The following PSPH variants were observed in gnomAD, a reference collection of about 807,000 sequenced individuals.
The protein encoded by PSPH is L-3-phosphoserine phosphatase.
Under a neutral mutation model 23.4 loss-of-function variants are expected in PSPH, and 16 were observed. The ratio of observed to expected loss-of-function variants is 0.68; its 90% CI spans 0.46 to 1.04. PSPH has a LOEUF of 1.04. Ranked by LOEUF, PSPH falls within the 50% of genes least tolerant of loss-of-function variation. PSPH has a pLI of 0.00. For synonymous variants in PSPH, 68 were observed against 99.7 expected (o/e 0.68, Z 1.89); for missense variants, 223 against 273.7 (o/e 0.81, Z 1.31).
intron 3 of PSPH, among the ~76,000 whole-genome samples, chr7:56,023,685 T>G (rs1789775578): frequency 6.6e-6 from 1 of 152,056 alleles, no homozygotes; most frequent in South Asian, 2.1e-4. Context: ...ATGTAAGTAA[T>G]CTATATTTAG....
rs1352002147 is a variant in PSPH, at chr7:56,034,119, G to T, written c.-291-13C>A. 6.6e-6 allele frequency: 1 copy of T among 152,524 alleles called. No homozygotes were observed. The highest frequency in any genetic ancestry group is 1.9e-4 in the East Asian group (1 of 5,188). 9.4% of individuals were successfully genotyped at this position (152,524 alleles called of 1,614,324 possible). A position where few individuals can be genotyped will look rare whatever the true frequency, so the allele number is the denominator to read the frequency against. ...CTCTTGAGATCTGCTGATAAGCGGG[G>T]TGGCTTCTGATGAGTTCTGCAAGTG... On this transcript the variant is annotated splice_polypyrimidine_tract_variant and intron_variant, in intron 1 of 7. Coordinates refer to ENST00000275605, the MANE Select transcript of PSPH (RefSeq NM_004577.4).
At position 56,013,156 on chromosome 7, in the gene PSPH, TACACACAC is replaced by T. The variant is rs34329610; in HGVS notation, c.571-1295_571-1288del. Among the ~76,000 whole-genome samples, 221 of 142,122 alleles carry T rather than the reference TACACACAC, an allele frequency of 1.6e-3. 1 individual carries two copies. The highest frequency in any genetic ancestry group is 5.6e-3 in the South Asian group (24 of 4,292). The allele number at this position is 142,122 out of a possible 152,430, so 93.2% of individuals were successfully genotyped here. ...ATATATACGTATATGTGTATGTGTATACACACACACACACACACACACACACACACACA... is the reference window on the plus strand; with the variant it reads ...ATATATACGTATATGTGTATGTGTATACACACACACACACACACACACACA... On this transcript the variant is annotated intron_variant, in intron 7 of 7. Coordinates refer to ENST00000275605, the MANE Select transcript of PSPH (RefSeq NM_004577.4).
intron 4 of PSPH, 82 bp downstream of exon 4, chr7:56,020,991 C>A: frequency 2.7e-6 from 4 of 1,501,552 alleles, no homozygotes; most frequent in Non-Finnish European, 3.6e-6. Context: ...TGTTCCATAG[C>A]CAGGGTCTAG....
In PSPH at chr7:56,019,650, C is replaced by T; in HGVS notation, c.225G>A (p.Gln75=). ...RLALIQPSRE[Q]VQRLIAEQPP... ...GTTGCTCTGCTATGAGTCTCTGCACCTGCTCCCTGGAGGGCTGGATGAGGG... is the reference window on the plus strand; with the variant it reads ...GTTGCTCTGCTATGAGTCTCTGCACTTGCTCCCTGGAGGGCTGGATGAGGG... Residue 75 remains glutamine, a synonymous_variant, in exon 5 of 8, where the codon CAG becomes CAA. Coordinates refer to ENST00000275605, the MANE Select transcript of PSPH (RefSeq NM_004577.4). The T allele has an allele frequency of 6.2e-7, 1 of 1,613,986 alleles. No individual in the cohort carries two copies. Among genetic ancestry groups the T allele is most frequent in the Non-Finnish European group, 8.5e-7 (1 of 1,179,902 alleles).
intron 1 of PSPH, among the ~76,000 whole-genome samples, chr7:56,044,340 T>C (rs1562831477): frequency 6.6e-6 from 1 of 152,116 alleles, no homozygotes; most frequent in Non-Finnish European, 1.5e-5. Context: ...AGCAAGAGCA[T>C]TGAGTGTACA....
chr7:56,049,028 T>C (rs999343125), intron 1 of PSPH, among the ~76,000 whole-genome samples: 1 of 151,904 alleles, frequency 6.6e-6, no homozygotes, highest in African/African-American at 2.4e-5. Context: ...CATGCCATTC[T>C]CTCACCTCAG....
chr7:56,048,393 A>G (rs1316763979), intron 1 of PSPH, among the ~76,000 whole-genome samples: 1 of 152,208 alleles, frequency 6.6e-6, no homozygotes, highest in African/African-American at 2.4e-5. Context: ...AGATCATTAA[A>G]GACTGAAAAA....
chr7:56,030,524 G>A (rs777350626), intron 3 of PSPH, among the ~76,000 whole-genome samples: 3 of 152,080 alleles, frequency 2.0e-5, no homozygotes, highest in Non-Finnish European at 4.4e-5. Flanking sequence ...AATTAGCGCA[G>A]GAACAGAAAA....
intron 5 of PSPH, 75 bp downstream of exon 5, chr7:56,019,525 T>G: frequency 6.3e-7 from 1 of 1,583,892 alleles, no homozygotes; most frequent in African/African-American, 1.3e-5. Context: ...TCTAAAGGAA[T>G]AGTTAGATGC....
At chr7:56,042,315 A>G (rs1215002317) in intron 1 of PSPH, among the ~76,000 whole-genome samples, 1 of 152,082 alleles carries the variant, frequency 6.6e-6, no homozygotes, top group African/African-American at 2.4e-5. Flanking sequence ...CATGGAAAAC[A>G]TGACAAAATA....
At chr7:56,025,904 T>C (rs892869360) in intron 3 of PSPH, among the ~76,000 whole-genome samples, 7 of 152,088 alleles carry the variant, frequency 4.6e-5, no homozygotes, top group African/African-American at 1.7e-4. Context: ...CTATGTCATG[T>C]GTTTTTTTAT....
At chr7:56,020,218 TA>T (rs576279724) in intron 4 of PSPH, among the ~76,000 whole-genome samples, 578 of 109,438 alleles carry the variant, frequency 5.3e-3, no homozygotes, top group Middle Eastern at 0.016. Context: ...AGATTCCATC[TA>T]AAAAAAAAAA....
intron 6 of PSPH, among the ~76,000 whole-genome samples, chr7:56,015,745 G>A (rs185430835): frequency 6.6e-6 from 1 of 150,922 alleles, no homozygotes; most frequent in African/African-American, 2.4e-5. Flanking sequence ...TGCAATATCC[G>A]CCTCCCAGGT....
At chr7:56,038,665 T>G (rs1415368190) in intron 1 of PSPH, among the ~76,000 whole-genome samples, 1 of 151,544 alleles carries the variant, frequency 6.6e-6, no homozygotes, top group East Asian at 2.0e-4. Context: ...TAAGACCTAA[T>G]CTGTACAAAA....
chr7:56,030,712 A>G (rs1790861491), intron 3 of PSPH, among the ~76,000 whole-genome samples: 1 of 151,492 alleles, frequency 6.6e-6, no homozygotes, highest in Non-Finnish European at 1.5e-5. Context: ...CAGCCTGGCC[A>G]ACATGGTGAA....
chr7:56,041,577 T>C (rs1038287156), intron 1 of PSPH, among the ~76,000 whole-genome samples: 2 of 151,958 alleles, frequency 1.3e-5, no homozygotes, highest in South Asian at 2.1e-4. Flanking sequence ...CCTAATCTAA[T>C]GTGACCGGTG....
In PSPH at chr7:56,019,597, T is replaced by C. The variant is rs1355432774; in HGVS notation, c.275+3A>G. ...ATACACCTGGAGCCGGGGTTCCTCT[T>C]ACCTTATGCCGGGGGTCAGGTGTGG... On this transcript the variant is annotated splice_donor_region_variant and intron_variant, in intron 5 of 7. Coordinates refer to ENST00000275605, the MANE Select transcript of PSPH (RefSeq NM_004577.4). 4 of 1,613,506 alleles carry C rather than the reference T, an allele frequency of 2.5e-6. No homozygotes were observed. Among genetic ancestry groups the C allele is most frequent in the Non-Finnish European group, 3.4e-6 (4 of 1,179,782 alleles).
At position 56,011,177 on chromosome 7, in the gene PSPH, A is replaced by G. The variant is rs1787877158; in HGVS notation, c.*585T>C. 1.3e-5 allele frequency: 2 copies of G among 152,676 alleles called. No individual in the cohort carries two copies. The highest frequency in any genetic ancestry group is 2.4e-5 in the African/African-American group (1 of 41,454). The allele number at this position is 152,676 out of a possible 1,614,324, so 9.5% of individuals were successfully genotyped here. A position where few individuals can be genotyped will look rare whatever the true frequency, so the allele number is the denominator to read the frequency against. On this transcript the variant is annotated 3_prime_UTR_variant, in exon 8 of 8. Coordinates refer to ENST00000275605, the MANE Select transcript of PSPH (RefSeq NM_004577.4). ...GGTGTTTAATTGACTCTCCACACTT[A>G]AAGCACTTTGTATGAAATATAGCTA...
intron 1 of PSPH, among the ~76,000 whole-genome samples, chr7:56,049,176 G>A (rs1207218338): frequency 1.3e-5 from 2 of 150,942 alleles, no homozygotes; most frequent in African/African-American, 4.9e-5. Flanking sequence ...TGCCCGCCTC[G>A]GCCTCCCAAA....
Sources: allele counts gnomAD v4.1 joint callset (sites outside exome capture counted in the v4.1 genomes callset), GRCh38; gene constraint gnomAD v4.1.1; transcripts MANE v1.5; gene names NCBI Gene and HGNC (gene_info 2026-07-23, HGNC 2026-07-21).